Variants in C1orf21 observed in about 807,000 individuals in gnomAD.
C1orf21 encodes the protein uncharacterized protein C1orf21.
In C1orf21, 3 loss-of-function variants were observed where a neutral mutation model predicts 18.7. That is an observed-to-expected ratio of 0.16 (90% CI 0.07 to 0.42). The LOEUF is 0.42. Among genes scored for constraint, C1orf21 ranks in the 10% least tolerant of loss-of-function variants. The pLI is 0.99. For missense variants in C1orf21, 104 were observed against 143.6 expected (o/e 0.72, Z 1.41); for synonymous variants, 41 against 46.4 (o/e 0.88, Z 0.47).
chr1:184,598,387 C>T lies in C1orf21; in HGVS notation c.267-14C>T. The T allele has an allele frequency of 6.2e-7, 1 of 1,612,526 alleles. No individual in the cohort carries two copies. Among genetic ancestry groups the T allele is most frequent in the African/African-American group, 1.3e-5 (1 of 74,926 alleles). ...AGCACTAAAATATGCACTTAACTAC[C>T]CTTTGTTTTTCAGCATGCACATCTC... is the stretch of plus-strand genomic sequence containing the variant. On this transcript the variant is annotated splice_polypyrimidine_tract_variant and intron_variant, in intron 4 of 5. Coordinates refer to ENST00000235307, the MANE Select transcript of C1orf21 (RefSeq NM_030806.4).
intron 1 of C1orf21, among the ~76,000 whole-genome samples, chr1:184,454,880 A>G (rs71634109): frequency 0.074 from 11,199 of 152,184 alleles, 529 homozygotes; most frequent in African/African-American, 0.1. Flanking sequence ...ATATAGATAT[A>G]TATATAATAG....
chr1:184,618,987 C>G (rs1036624380), intron 5 of C1orf21, among the ~76,000 whole-genome samples: 2 of 152,230 alleles, frequency 1.3e-5, no homozygotes, highest in African/African-American at 4.8e-5. Context: ...TCAGAAGCAT[C>G]TTTGCCTTTC....
intron 5 of C1orf21, among the ~76,000 whole-genome samples, chr1:184,616,002 C>T (rs930100627): frequency 3.3e-5 from 5 of 152,074 alleles, no homozygotes; most frequent in African/African-American, 9.7e-5. Context: ...CTCTAGTCAC[C>T]CTACTGTGCT....
At chr1:184,573,059 T>C (rs1659135822) in intron 3 of C1orf21, among the ~76,000 whole-genome samples, 1 of 152,180 alleles carries the variant, frequency 6.6e-6, no homozygotes, top group African/African-American at 2.4e-5. Context: ...CTTGCAGAGA[T>C]CTTCTGTCAG....
chr1:184,608,461 G>C (rs1332398436), intron 5 of C1orf21, among the ~76,000 whole-genome samples: 1 of 152,174 alleles, frequency 6.6e-6, no homozygotes, highest in Non-Finnish European at 1.5e-5. Context: ...AAACACTGCT[G>C]ATTTAGATTT....
At chr1:184,560,718 C>T (rs983441364) in intron 3 of C1orf21, among the ~76,000 whole-genome samples, 4 of 152,170 alleles carry the variant, frequency 2.6e-5, no homozygotes, top group Non-Finnish European at 5.9e-5. Context: ...CAAGAGCAGG[C>T]TCTCCAGAAT....
intron 3 of C1orf21, among the ~76,000 whole-genome samples, chr1:184,523,559 A>G (rs920027717): frequency 3.3e-5 from 5 of 152,178 alleles, no homozygotes; most frequent in African/African-American, 1.2e-4. Context: ...GGGATCCTAG[A>G]ACAGAAAAAG....
intron 4 of C1orf21, among the ~76,000 whole-genome samples, chr1:184,594,664 A>G (rs1457701327): frequency 6.6e-6 from 1 of 152,044 alleles, no homozygotes; most frequent in Non-Finnish European, 1.5e-5. Flanking sequence ...TTCACATGGG[A>G]GTTTCATCTC....
chr1:184,571,549 T>C (rs994350246), intron 3 of C1orf21, among the ~76,000 whole-genome samples: 5 of 152,208 alleles, frequency 3.3e-5, no homozygotes, highest in Non-Finnish European at 5.9e-5. Context: ...CTGGTCCCTC[T>C]ACCCCCTGTT....
Position 184,606,776 on chromosome 1 carries a change from A to G in C1orf21, c.327+8315A>G, listed in dbSNP as rs1346257005. Reference sequence around the variant, plus strand: ...CATGAGAGGCACATAATGAGGAATGATAAAATAGGATTCTTGTCTTTAGGG... The same window carrying G: ...CATGAGAGGCACATAATGAGGAATGGTAAAATAGGATTCTTGTCTTTAGGG... On this transcript the variant is annotated intron_variant, in intron 5 of 5. Coordinates refer to ENST00000235307, the MANE Select transcript of C1orf21 (RefSeq NM_030806.4). Among the ~76,000 whole-genome samples, 2 of 152,186 alleles carry G rather than the reference A, an allele frequency of 1.3e-5. 1 individual carries two copies. Among genetic ancestry groups the G allele is most frequent in the Non-Finnish European group, 2.9e-5 (2 of 68,040 alleles).
At chr1:184,557,304 G>A (rs966057051) in intron 3 of C1orf21, among the ~76,000 whole-genome samples, 38 of 151,956 alleles carry the variant, frequency 2.5e-4, no homozygotes, top group African/African-American at 8.7e-4. Context: ...AACTTACATG[G>A]ATAAGTTCTT....
At chr1:184,435,733 GA>G (rs1298039268) in intron 1 of C1orf21, among the ~76,000 whole-genome samples, 1 of 152,186 alleles carries the variant, frequency 6.6e-6, no homozygotes, top group Non-Finnish European at 1.5e-5. Context: ...AAGGACATAG[GA>G]AAGGAGCCTG....
At chr1:184,559,504 C>T (rs150712359) in intron 3 of C1orf21, among the ~76,000 whole-genome samples, 26 of 37,978 alleles carry the variant, frequency 6.8e-4, no homozygotes, top group East Asian at 5.5e-3. Context: ...CCTTCCTTCC[C>T]CCCTTCCTTC....
Position 184,477,442 on chromosome 1 carries a change from A to G in C1orf21, c.-68A>G. 7.3e-7 allele frequency: 1 copy of G among 1,365,318 alleles called. No individual in the cohort carries two copies. Among genetic ancestry groups the G allele is most frequent in the Middle Eastern group, 1.8e-4 (1 of 5,488 alleles). 84.6% of individuals were successfully genotyped at this position (1,365,318 alleles called of 1,614,324 possible). Reference sequence around the variant, plus strand: ...GTGGATTTTCTTTGTGTTTAAAGAAAAAAAATGTCCCTGTGTCTGTAGAGA... The same window carrying G: ...GTGGATTTTCTTTGTGTTTAAAGAAGAAAAATGTCCCTGTGTCTGTAGAGA... On this transcript the variant is annotated 5_prime_UTR_variant, in exon 2 of 6. Coordinates refer to ENST00000235307, the MANE Select transcript of C1orf21 (RefSeq NM_030806.4).
intron 1 of C1orf21, among the ~76,000 whole-genome samples, chr1:184,410,646 TATATATATA>T (rs1656328809): frequency 3.4e-4 from 2 of 5,836 alleles, no homozygotes; most frequent in African/African-American, 3.8e-3. Flanking sequence ...TATATATATA[TATATATATA>T]TATATATATT....
chr1:184,586,530 G>A (rs1056838650), intron 3 of C1orf21, among the ~76,000 whole-genome samples: 1 of 152,054 alleles, frequency 6.6e-6, no homozygotes, highest in African/African-American at 2.4e-5. Context: ...TGATCCGCCC[G>A]CCTCGGCCTC....
intron 1 of C1orf21, among the ~76,000 whole-genome samples, chr1:184,432,549 A>G (rs1311875130): frequency 6.6e-6 from 1 of 152,168 alleles, no homozygotes. Flanking sequence ...GGATAGCATT[A>G]GGAGAAATAC....
At chr1:184,390,437 A>G (rs964997254) in intron 1 of C1orf21, among the ~76,000 whole-genome samples, 1 of 152,226 alleles carries the variant, frequency 6.6e-6, no homozygotes, top group African/African-American at 2.4e-5. Flanking sequence ...GCAAGTTTAC[A>G]TGAAAATAAT....
intron 3 of C1orf21, among the ~76,000 whole-genome samples, chr1:184,545,043 A>G (rs543042012): frequency 1.4e-4 from 22 of 152,178 alleles, no homozygotes; most frequent in Non-Finnish European, 2.6e-4. Context: ...GTGGCCTACC[A>G]TTATTTCTGC....
Sources: allele counts gnomAD v4.1 joint callset (sites outside exome capture counted in the v4.1 genomes callset), GRCh38; gene constraint gnomAD v4.1.1; transcripts MANE v1.5; gene names NCBI Gene and HGNC (gene_info 2026-07-23, HGNC 2026-07-21).